RNF180: variants seen among roughly 807,000 people sequenced by gnomAD.
RNF180 encodes the protein E3 ubiquitin-protein ligase RNF180.
A neutral mutation model predicts 59.2 loss-of-function variants in RNF180; 38 were observed. The observed-to-expected ratio is 0.64, with a 90% CI of 0.50 to 0.84. RNF180 has a LOEUF of 0.84. Ranked by LOEUF, RNF180 falls within the 40% of genes least tolerant of loss-of-function variation. The pLI is 0.00. For missense variants in RNF180, 705 were observed against 700.9 expected, an observed-to-expected ratio of 1.01 and a Z score of -0.07; for synonymous variants, 262 against 240.3, an observed-to-expected ratio of 1.09 and a Z score of -0.84.
chr5:64,223,887 T>C lies in RNF180; in HGVS notation c.1227+6491T>C, dbSNP rs546244383. On this transcript the variant is annotated intron_variant, in intron 5 of 7. Coordinates refer to ENST00000389100, the MANE Select transcript of RNF180 (RefSeq NM_001113561.2). ...GGGGGAGACACGTGAATTTCAGTAA[T>C]CATTTTCTTGGGTATTTGCAGAAAT... is the stretch of plus-strand genomic sequence containing the variant. Among the ~76,000 whole-genome samples the C allele has an allele frequency of 3.3e-5, 5 of 152,276 alleles. No homozygotes were observed. In the East Asian group the frequency reaches 9.7e-4, roughly 29 times the overall value.
At chr5:64,264,852 G>A (rs1199932468) in intron 5 of RNF180, among the ~76,000 whole-genome samples, 1 of 152,156 alleles carries the variant, frequency 6.6e-6, no homozygotes, top group Non-Finnish European at 1.5e-5. Flanking sequence ...CACCAACAAT[G>A]TAAAAGCATT....
At chr5:64,349,944 T>C (rs1186041069) in intron 7 of RNF180, among the ~76,000 whole-genome samples, 1 of 151,366 alleles carries the variant, frequency 6.6e-6, no homozygotes, top group African/African-American at 2.4e-5. Flanking sequence ...ATCCTTTGGG[T>C]ATATACCCAG....
intron 5 of RNF180, among the ~76,000 whole-genome samples, chr5:64,323,080 A>C (rs975349278): frequency 1.3e-5 from 2 of 152,248 alleles, no homozygotes; most frequent in African/African-American, 4.8e-5. Context: ...AAATATAGTT[A>C]AAATGCATAG....
At chr5:64,264,948 T>C (rs1392672145) in intron 5 of RNF180, among the ~76,000 whole-genome samples, 1 of 152,190 alleles carries the variant, frequency 6.6e-6, no homozygotes, top group Admixed American at 6.5e-5. Flanking sequence ...TATCTCATTG[T>C]GGTTTTGATT....
chr5:64,349,966 T>G, intron 7 of RNF180, among the ~76,000 whole-genome samples: 1 of 151,216 alleles, frequency 6.6e-6, no homozygotes, highest in East Asian at 2.0e-4. Flanking sequence ...GTATTTCTAA[T>G]TCTAGATCCT....
chr5:64,210,538 G>A (rs578252678), intron 2 of RNF180, among the ~76,000 whole-genome samples: 1 of 152,220 alleles, frequency 6.6e-6, no homozygotes, highest in African/African-American at 2.4e-5. Context: ...TAATTCTAGG[G>A]TGTTTGTTTT....
At chr5:64,240,268 A>C (rs1742722058) in intron 5 of RNF180, among the ~76,000 whole-genome samples, 2 of 152,200 alleles carry the variant, frequency 1.3e-5, no homozygotes, top group African/African-American at 4.8e-5. Context: ...TGAAGACTCA[A>C]AATGCAGATC....
chr5:64,198,150 A>G (rs75610589), intron 1 of RNF180, among the ~76,000 whole-genome samples: 15,116 of 152,272 alleles, frequency 0.099, 824 homozygotes, highest in Middle Eastern at 0.23. Flanking sequence ...CGGTATATTA[A>G]AAGTATTATT....
At chr5:64,212,967 G>A (rs547813692) in intron 3 of RNF180, among the ~76,000 whole-genome samples, 4 of 152,280 alleles carry the variant, frequency 2.6e-5, no homozygotes, top group African/African-American at 7.2e-5. Context: ...AATATATTAG[G>A]ACACTGCAGA....
At chr5:64,168,081 G>A (rs962008628) in intron 1 of RNF180, among the ~76,000 whole-genome samples, 2 of 152,128 alleles carry the variant, frequency 1.3e-5, no homozygotes, top group African/African-American at 4.8e-5. Context: ...CAGTAGTGCT[G>A]CTGCCATTCA....
chr5:64,352,702 T>C (rs944104804), intron 7 of RNF180, among the ~76,000 whole-genome samples: 4 of 152,162 alleles, frequency 2.6e-5, no homozygotes, highest in Middle Eastern at 3.4e-3. Flanking sequence ...ATAGATAAAA[T>C]GATTTTTTAA....
intron 7 of RNF180, among the ~76,000 whole-genome samples, chr5:64,357,895 C>T (rs1237588609): frequency 6.6e-6 from 1 of 151,776 alleles, no homozygotes; most frequent in African/African-American, 2.4e-5. Flanking sequence ...GAAGAAAAGA[C>T]AAGAGTAACT....
chr5:64,269,408 C>T (rs562768293), intron 5 of RNF180, among the ~76,000 whole-genome samples: 3 of 152,276 alleles, frequency 2.0e-5, no homozygotes, highest in Admixed American at 1.3e-4. Flanking sequence ...CCCGTGATAG[C>T]TTTGTCATTG....
chr5:64,276,319 G>GGGGTGTGTGTGT (rs553123802), intron 5 of RNF180, among the ~76,000 whole-genome samples: 4 of 138,086 alleles, frequency 2.9e-5, no homozygotes, highest in Middle Eastern at 3.4e-3. Flanking sequence ...AAAATACATT[G>GGGGTGTGTGTGT]GTGTGTGTGT....
rs570714056 is a variant in RNF180 at position 64,183,763 on chromosome 5, T to G, written c.1-17045T>G. On this transcript the variant is annotated intron_variant, in intron 1 of 7. Coordinates refer to ENST00000389100, the MANE Select transcript of RNF180 (RefSeq NM_001113561.2). ...GTTCCCAGTCAAAAAGTATACATTT[T>G]TTGATGGATAGTTTCATAAACAGCA... Among the ~76,000 whole-genome samples, 7 of 152,332 alleles carry G rather than the reference T, an allele frequency of 4.6e-5. No homozygotes were observed. In the East Asian group the frequency reaches 1.3e-3, roughly 29 times the overall value.
intron 5 of RNF180, among the ~76,000 whole-genome samples, chr5:64,306,976 A>G (rs972225324): frequency 6.6e-6 from 1 of 150,608 alleles, no homozygotes; most frequent in African/African-American, 2.4e-5. Flanking sequence ...AAGTATAATA[A>G]TAATAAAATA....
chr5:64,214,577 G>A (rs753784438), intron 4 of RNF180, 60 bp downstream of exon 4: 20 of 1,460,020 alleles, frequency 1.4e-5, no homozygotes, highest in Non-Finnish European at 1.7e-5. Context: ...AGTTTGGGGA[G>A]TGGAGCTAAC....
intron 5 of RNF180, among the ~76,000 whole-genome samples, chr5:64,285,764 A>G (rs1392844869): frequency 2.0e-5 from 3 of 152,174 alleles, no homozygotes; most frequent in Admixed American, 6.5e-5. Context: ...TAGGTCCGAC[A>G]GTCACCCAAA....
At chr5:64,245,104 TG>T (rs1743070698) in intron 5 of RNF180, among the ~76,000 whole-genome samples, 1 of 152,108 alleles carries the variant, frequency 6.6e-6, no homozygotes, top group South Asian at 2.1e-4. Flanking sequence ...AAATATCGAA[TG>T]GAAAAACTGG....
Sources: gnomAD v4.1 joint callset for allele counts (sites outside exome capture counted in the v4.1 genomes callset) on GRCh38, gnomAD v4.1.1 for gene constraint, MANE v1.5 for transcripts, NCBI Gene and HGNC (gene_info 2026-07-23, HGNC 2026-07-21) for gene names.